Variants in PLA2G4A observed in about 807,000 individuals in gnomAD.
PLA2G4A encodes phospholipase A2 group IVA.
PLA2G4A carries 40 observed loss-of-function variants against 81.9 expected under a neutral mutation model. The observed-to-expected ratio is 0.49, with a 90% CI of 0.38 to 0.64. The LOEUF (loss-of-function observed/expected upper bound fraction) is 0.64, where lower values mean the gene tolerates loss of function less well. PLA2G4A is among the 30% of genes least tolerant of loss of function. The pLI, the probability that PLA2G4A is intolerant of heterozygous loss-of-function variation, is 0.00. For synonymous variants in PLA2G4A, 302 were observed against 296.9 expected, an observed-to-expected ratio of 1.02 and a Z score of -0.18; for missense variants, 715 against 905.1, an observed-to-expected ratio of 0.79 and a Z score of 2.69.
chr1:186,907,067 T>A (rs1170878806), intron 6 of PLA2G4A, 65 bp downstream of exon 6: 1 of 867,842 alleles, frequency 1.2e-6, no homozygotes, highest in Non-Finnish European at 1.9e-6. Flanking sequence ...TTTTAATTGT[T>A]AAAGAATTTT....
chr1:186,853,064 T>C (rs1453575936), intron 1 of PLA2G4A, among the ~76,000 whole-genome samples: 2 of 151,942 alleles, frequency 1.3e-5, no homozygotes, highest in Non-Finnish European at 2.9e-5. Context: ...ACATTTTTTT[T>C]CTTGTTGGTA....
chr1:186,911,684 G>T (rs1346785512), intron 7 of PLA2G4A, among the ~76,000 whole-genome samples: 1 of 152,112 alleles, frequency 6.6e-6, no homozygotes, highest in African/African-American at 2.4e-5. Context: ...GTTCCAATAT[G>T]CTTCTTCTCC....
chr1:186,901,930 A>G (rs2102132903), intron 5 of PLA2G4A, among the ~76,000 whole-genome samples: 1 of 152,298 alleles, frequency 6.6e-6, no homozygotes, highest in Non-Finnish European at 1.5e-5. Context: ...TTTTACTAAA[A>G]ATATTATGTG....
At chr1:186,925,332 C>T (rs1311118685) in intron 7 of PLA2G4A, among the ~76,000 whole-genome samples, 1 of 152,278 alleles carries the variant, frequency 6.6e-6, no homozygotes, top group African/African-American at 2.4e-5. Flanking sequence ...TCCCTCTTCC[C>T]ACTTTCTTTT....
Position 186,870,463 on chromosome 1 carries a change from C to T in PLA2G4A, c.62C>T (p.Thr21Met), listed in dbSNP as rs892336472. The T allele has an allele frequency of 1.3e-5, 21 of 1,609,310 alleles. No homozygotes were observed. Among genetic ancestry groups the T allele is most frequent in the Middle Eastern group, 1.7e-4 (1 of 6,022 alleles). ...GAGCACCAGTATTCCCACAAGTTTA[C>T]GGTAGTGGTGTTACGTGCCACCAAA... ...IVEHQYSHKF[T>M]VVVLRATKVT... The change falls in exon 3 of 18, where the codon ACG (threonine) becomes ATG (methionine). Residue 21 changes from threonine to methionine, a missense_variant. By Grantham distance (81) the Thr-to-Met change is moderately conservative. Transcript: ENST00000367466.
chr1:186,917,463 T>A (rs2102170164), intron 7 of PLA2G4A, among the ~76,000 whole-genome samples: 1 of 152,284 alleles, frequency 6.6e-6, no homozygotes, highest in South Asian at 2.1e-4. Context: ...TTAATCCTGT[T>A]TCCTGACATA....
intron 3 of PLA2G4A, among the ~76,000 whole-genome samples, chr1:186,885,558 T>C (rs932864298): frequency 2.1e-4 from 32 of 152,154 alleles, no homozygotes; most frequent in African/African-American, 7.5e-4. Context: ...GACTGAATTA[T>C]AAATATTCAG....
At chr1:186,854,251 A>C in intron 1 of PLA2G4A, 35 bp from the exon 2 acceptor site, 4 of 757,088 alleles carry the variant, frequency 5.3e-6, no homozygotes, top group Non-Finnish European at 9.6e-6. Context: ...TGCATCCAAG[A>C]GGAAGCTTAA....
chr1:186,892,882 CTT>C, intron 3 of PLA2G4A, 127 bp from the exon 4 acceptor site: 2 of 718,412 alleles, frequency 2.8e-6, no homozygotes, highest in South Asian at 3.2e-5. Context: ...TGTATATTAT[CTT>C]GTCTCAGACA....
chr1:186,888,578 C>T (rs1432632559), intron 3 of PLA2G4A, among the ~76,000 whole-genome samples: 1 of 152,180 alleles, frequency 6.6e-6, no homozygotes, highest in Non-Finnish European at 1.5e-5. Context: ...GGTAGTGTAA[C>T]TGCTTATCTT....
intron 7 of PLA2G4A, among the ~76,000 whole-genome samples, chr1:186,922,313 A>G (rs1250864871): frequency 6.6e-6 from 1 of 152,202 alleles, no homozygotes; most frequent in Non-Finnish European, 1.5e-5. Flanking sequence ...AGTCAAGTTG[A>G]AAACAAAAAC....
At chr1:186,923,212 C>T (rs1001597226) in intron 7 of PLA2G4A, among the ~76,000 whole-genome samples, 8 of 152,140 alleles carry the variant, frequency 5.3e-5, no homozygotes, top group African/African-American at 1.9e-4. Context: ...CTTGTTAGAA[C>T]TTGTGGTTGT....
chr1:186,923,714 G>A (rs1655444482), intron 7 of PLA2G4A, among the ~76,000 whole-genome samples: 2 of 152,226 alleles, frequency 1.3e-5, no homozygotes, highest in Non-Finnish European at 2.9e-5. Flanking sequence ...CTTGAGGTAT[G>A]AGCTTGCTAG....
chr1:186,831,718 TA>T (rs1651597329), intron 1 of PLA2G4A, among the ~76,000 whole-genome samples: 3 of 152,238 alleles, frequency 2.0e-5, no homozygotes, highest in South Asian at 4.1e-4. Context: ...TATTACCTAT[TA>T]TTTCCCCCAA....
intron 1 of PLA2G4A, among the ~76,000 whole-genome samples, chr1:186,841,757 A>G (rs1651988095): frequency 6.6e-6 from 1 of 152,054 alleles, no homozygotes; most frequent in African/African-American, 2.4e-5. Flanking sequence ...CTGGCTTGGG[A>G]GTGAGGAGAC....
chr1:186,844,169 A>G (rs1652086030), intron 1 of PLA2G4A, among the ~76,000 whole-genome samples: 1 of 152,216 alleles, frequency 6.6e-6, no homozygotes, highest in Non-Finnish European at 1.5e-5. Flanking sequence ...TTCCTTGGGA[A>G]CAGGGAGGTG....
chr1:186,856,508 G>GCCT (rs1417090537), intron 2 of PLA2G4A, among the ~76,000 whole-genome samples: 1 of 151,324 alleles, frequency 6.6e-6, no homozygotes, highest in Non-Finnish European at 1.5e-5. Flanking sequence ...GCGTGACTTA[G>GCCT]CCTCCCCTGT....
Position 186,979,299 on chromosome 1 carries a change from C to G in PLA2G4A, c.1961-16C>G, listed in dbSNP as rs1657637795. 1 of 1,596,956 alleles carries G rather than the reference C, an allele frequency of 6.3e-7. No individual in the cohort carries two copies. Among genetic ancestry groups the G allele is most frequent in the Non-Finnish European group, 8.6e-7 (1 of 1,164,336 alleles). Reference sequence around the variant, plus strand: ...GTTTTCAAAATAACACCCTTTGTGACTCTTCTGGTATTTAGGTGTTCCAAG... The same window carrying G: ...GTTTTCAAAATAACACCCTTTGTGAGTCTTCTGGTATTTAGGTGTTCCAAG... On this transcript the variant is annotated splice_polypyrimidine_tract_variant and intron_variant, in intron 16 of 17. Transcript: ENST00000367466.
chr1:186,852,798 A>G (rs2102024895), intron 1 of PLA2G4A, among the ~76,000 whole-genome samples: 1 of 152,150 alleles, frequency 6.6e-6, no homozygotes, highest in East Asian at 1.9e-4. Context: ...CTATAGCACT[A>G]AAGTAGTTTA....
Sources: gnomAD v4.1 joint callset for allele counts (sites outside exome capture counted in the v4.1 genomes callset) on GRCh38, gnomAD v4.1.1 for gene constraint, MANE v1.5 for transcripts, NCBI Gene and HGNC (gene_info 2026-07-23, HGNC 2026-07-21) for gene names.